The following CPNE8 variants were observed in gnomAD, a reference collection of about 807,000 sequenced individuals.
CPNE8 encodes copine 8.
CPNE8 carries 45 observed loss-of-function variants against 81.5 expected under a neutral mutation model. The observed-to-expected ratio is 0.55, with a 90% CI of 0.44 to 0.71. CPNE8 has a LOEUF of 0.71. CPNE8 is among the 30% of genes least tolerant of loss of function. The pLI, the probability that CPNE8 is intolerant of heterozygous loss-of-function variation, is 0.00. For synonymous variants in CPNE8, 252 were observed against 226.3 expected (o/e 1.11, Z -1.02); for missense variants, 594 against 672.1 (o/e 0.88, Z 1.28).
At chr12:38,787,872 C>A (rs1032127644) in intron 6 of CPNE8, among the ~76,000 whole-genome samples, 8 of 147,476 alleles carry the variant, frequency 5.4e-5, no homozygotes, top group African/African-American at 1.7e-4. Flanking sequence ...TAGACATATA[C>A]AATCTACCAT....
intron 3 of CPNE8, among the ~76,000 whole-genome samples, chr12:38,854,831 C>T (rs2137069019): frequency 6.6e-6 from 1 of 151,978 alleles, no homozygotes; most frequent in East Asian, 1.9e-4. Flanking sequence ...GCTTTTCTTC[C>T]AATTCAGGAA....
At chr12:38,675,509 A>G (rs554992718) in intron 18 of CPNE8, among the ~76,000 whole-genome samples, 1 of 152,264 alleles carries the variant, frequency 6.6e-6, no homozygotes, top group South Asian at 2.1e-4. Context: ...TCCTAGTGAA[A>G]AGACAGGATC....
chr12:38,857,676 G>C (rs1302053344), intron 3 of CPNE8, among the ~76,000 whole-genome samples: 1 of 152,158 alleles, frequency 6.6e-6, no homozygotes, highest in Admixed American at 6.5e-5. Context: ...ACTTTAAGAG[G>C]CCAGGGTGGG....
chr12:38,819,491 G>A (rs1943078971), intron 6 of CPNE8, among the ~76,000 whole-genome samples: 1 of 152,066 alleles, frequency 6.6e-6, no homozygotes, highest in Non-Finnish European at 1.5e-5. Context: ...GATAGGGCCG[G>A]GCGCGGTGGC....
chr12:38,678,977 A>C (rs1939352679), intron 16 of CPNE8, among the ~76,000 whole-genome samples: 1 of 151,838 alleles, frequency 6.6e-6, no homozygotes, highest in South Asian at 2.1e-4. Flanking sequence ...TCCACGTTTA[A>C]CTTTTTTTGT....
At chr12:38,894,658 ACTCTCTCTCTCTCTCTCTCTCTCTCTCT>A (rs60538878) in intron 1 of CPNE8, among the ~76,000 whole-genome samples, 19 of 124,460 alleles carry the variant, frequency 1.5e-4, no homozygotes, top group Middle Eastern at 4.0e-3. Context: ...ACTCCAGCTC[ACTCTCTCTCTCTCTCTCTCTCTCTCTCT>A]CTCTCTCTCT....
intron 6 of CPNE8, among the ~76,000 whole-genome samples, chr12:38,805,674 C>A (rs1442978895): frequency 1.2e-3 from 33 of 26,700 alleles, no homozygotes; most frequent in East Asian, 3.4e-3. Flanking sequence ...AAAAAAAAAA[C>A]ATTAAAAAAA....
chr12:38,879,062 A>G (rs1465388278), intron 1 of CPNE8, among the ~76,000 whole-genome samples: 6 of 152,242 alleles, frequency 3.9e-5, no homozygotes, highest in African/African-American at 1.4e-4. Flanking sequence ...AATCATATAT[A>G]TAATTTAAGT....
intron 6 of CPNE8, among the ~76,000 whole-genome samples, chr12:38,815,390 A>G (rs1943008406): frequency 6.6e-6 from 1 of 152,182 alleles, no homozygotes; most frequent in Non-Finnish European, 1.5e-5. Context: ...TGTCATATTT[A>G]TTATCTAATC....
At chr12:38,711,204 C>T (rs189233715) in intron 13 of CPNE8, among the ~76,000 whole-genome samples, 2 of 152,188 alleles carry the variant, frequency 1.3e-5, no homozygotes, top group South Asian at 4.1e-4. Flanking sequence ...TGTTGCATCA[C>T]TCAGTTCTTT....
intron 14 of CPNE8, 68 bp downstream of exon 14, chr12:38,702,807 T>G: frequency 1.0e-6 from 1 of 954,752 alleles, no homozygotes; most frequent in Non-Finnish European, 1.6e-6. Context: ...TTAACACTTA[T>G]GAAAATATAA....
chr12:38,658,779 A>G (rs1166835260), intron 19 of CPNE8, among the ~76,000 whole-genome samples: 1 of 152,192 alleles, frequency 6.6e-6, no homozygotes, highest in East Asian at 1.9e-4. Context: ...TCAATCCAGA[A>G]TTTCATATCC....
chr12:38,725,282 G>A (rs886239146), intron 11 of CPNE8, among the ~76,000 whole-genome samples: 1 of 152,060 alleles, frequency 6.6e-6, no homozygotes, highest in Admixed American at 6.5e-5. Flanking sequence ...CACTAACATA[G>A]CAAATCATCC....
intron 5 of CPNE8, among the ~76,000 whole-genome samples, chr12:38,835,518 C>A (rs974409680): frequency 2.0e-5 from 3 of 152,076 alleles, no homozygotes; most frequent in African/African-American, 7.2e-5. Flanking sequence ...GGAGAGAGGC[C>A]TTGTTTGTCT....
chr12:38,702,061 T>C (rs1939961491), intron 14 of CPNE8, among the ~76,000 whole-genome samples: 1 of 152,150 alleles, frequency 6.6e-6, no homozygotes, highest in Non-Finnish European at 1.5e-5. Flanking sequence ...ATTTCTATTG[T>C]TTTGTAAAAC....
intron 15 of CPNE8, among the ~76,000 whole-genome samples, chr12:38,688,703 T>G (rs1939599756): frequency 1.3e-5 from 2 of 152,136 alleles, no homozygotes; most frequent in South Asian, 4.2e-4. Context: ...AGACCATTAT[T>G]CTAAGTGAAG....
At chr12:38,816,715 T>C (rs1284536147) in intron 6 of CPNE8, among the ~76,000 whole-genome samples, 1 of 152,200 alleles carries the variant, frequency 6.6e-6, no homozygotes, top group Non-Finnish European at 1.5e-5. Context: ...TGATTAAAAA[T>C]ATATACTGGA....
intron 5 of CPNE8, among the ~76,000 whole-genome samples, chr12:38,834,316 T>C (rs1444483216): frequency 7.2e-5 from 11 of 152,012 alleles, no homozygotes; most frequent in Admixed American, 4.6e-4. Context: ...TTACTGGGGG[T>C]CTCAAATTTA....
chr12:38,752,540 A>G (rs1381789162), intron 10 of CPNE8, among the ~76,000 whole-genome samples: 1 of 152,142 alleles, frequency 6.6e-6, no homozygotes, highest in Non-Finnish European at 1.5e-5. Context: ...TACAGCTCCC[A>G]TCTATTTTGA....
Sources: gnomAD v4.1 joint callset for allele counts (sites outside exome capture counted in the v4.1 genomes callset) on GRCh38, gnomAD v4.1.1 for gene constraint, MANE v1.5 for transcripts, NCBI Gene and HGNC (gene_info 2026-07-23, HGNC 2026-07-21) for gene names.